LBP: variants seen among roughly 807,000 people sequenced by gnomAD.
The protein encoded by LBP is lipopolysaccharide binding protein.
A neutral mutation model predicts 56.6 loss-of-function variants in LBP; 53 were observed. That is an observed-to-expected ratio of 0.94 (90% CI 0.75 to 1.18). LBP has a LOEUF of 1.18. LBP is among the 50% of genes most tolerant of loss of function. The probability of loss-of-function intolerance (pLI) is 0.00; values close to 1 mark genes in which losing one functional copy is unlikely to be tolerated. For synonymous variants in LBP, 227 were observed against 247.5 expected (o/e 0.92, Z 0.78); for missense variants, 601 against 598.3 (o/e 1.00, Z -0.05).
In LBP at chr20:38,370,814, G is replaced by T. The variant is rs201651468; in HGVS notation, c.1217+9G>T. 364 of 1,612,430 alleles carry T rather than the reference G, an allele frequency of 2.3e-4. 1 individual carries two copies. In the African/African-American group the frequency reaches 4.1e-3, roughly 18 times the overall value. On this transcript the variant is annotated intron_variant, in intron 11 of 14. Coordinates refer to ENST00000217407, the MANE Select transcript of LBP (RefSeq NM_004139.5). ...TTCCTGAAGCCAGGAAAGTAAGTTG[G>T]CCTCCTACCTACATGGGGGTGCCCA...
intron 11 of LBP, 81 bp downstream of exon 11, chr20:38,370,886 GA>G: frequency 8.6e-7 from 1 of 1,166,152 alleles, no homozygotes; most frequent in South Asian, 1.2e-5. Flanking sequence ...TAGCTGGTGG[GA>G]GGGGGGGCCA....
At chr20:38,364,131 C>T (rs1369311416) in intron 7 of LBP, 65 bp downstream of exon 7, 4 of 1,077,616 alleles carry the variant, frequency 3.7e-6, no homozygotes, top group Non-Finnish European at 4.3e-6. Flanking sequence ...TTCTTTGGGC[C>T]ACCTGTCCCC....
chr20:38,356,986 T>C (rs114631382), intron 5 of LBP, among the ~76,000 whole-genome samples: 1 of 152,016 alleles, frequency 6.6e-6, no homozygotes, highest in African/African-American at 2.4e-5. Flanking sequence ...CTCCCGAGTA[T>C]ATGAGACCAC....
At position 38,354,411 on chromosome 20, in the gene LBP, G is replaced by A. The variant is rs5744204; in HGVS notation, c.496G>A (p.Val166Met). 46,068 of 1,612,810 alleles carry A rather than the reference G, an allele frequency of 0.029. 4,522 individuals are homozygous for A. The African/African-American group carries it at 0.33, about 12-fold the overall frequency. Residue 166 changes from valine to methionine, a missense_variant, in exon 4 of 15, where the codon GTG (valine) becomes ATG (methionine). Val to Met is a conservative substitution (Grantham distance 21). Transcript: ENST00000217407. ...CAGCTGCAGCAGTGACATCGCTGAC[G>A]TGGAGGTGGACATGTCGGGAGACTT... ...ASSCSSDIADVEVDMSGDLGW... is the reference protein window; with the variant it reads ...ASSCSSDIADMEVDMSGDLGW...
chr20:38,357,047 G>A (rs967031638), intron 5 of LBP, among the ~76,000 whole-genome samples: 3 of 152,128 alleles, frequency 2.0e-5, no homozygotes, highest in Non-Finnish European at 4.4e-5. Context: ...AGTAGAGACG[G>A]GGTTTCACCA....
chr20:38,361,881 G>A (rs188114170), intron 6 of LBP, among the ~76,000 whole-genome samples: 54 of 151,338 alleles, frequency 3.6e-4, no homozygotes, highest in African/African-American at 1.3e-3. Flanking sequence ...AGCCCTCCAG[G>A]GTCACCACCA....
chr20:38,363,442 A>C (rs1346794528), intron 6 of LBP, among the ~76,000 whole-genome samples: 2 of 152,216 alleles, frequency 1.3e-5, no homozygotes, highest in Non-Finnish European at 2.9e-5. Context: ...CAGGGTGCAC[A>C]CATTAAGCTC....
intron 1 of LBP, among the ~76,000 whole-genome samples, chr20:38,347,558 A>T (rs954690825): frequency 6.6e-6 from 1 of 152,200 alleles, no homozygotes; most frequent in Non-Finnish European, 1.5e-5. Flanking sequence ...ATAAATAAAA[A>T]TAAAACAAAG....
intron 3 of LBP, among the ~76,000 whole-genome samples, chr20:38,351,415 C>A (rs2076820013): frequency 6.6e-6 from 1 of 152,074 alleles, no homozygotes; most frequent in Non-Finnish European, 1.5e-5. Context: ...ACTCCAGCCC[C>A]ACGCTGTCAC....
chr20:38,362,757 G>C (rs562824578), intron 6 of LBP, among the ~76,000 whole-genome samples: 3 of 151,854 alleles, frequency 2.0e-5, no homozygotes, highest in Admixed American at 6.6e-5. Context: ...AGGCCAGCCC[G>C]GGCAACATAG....
rs146018769 is a variant in LBP, at chr20:38,356,398, AC to A, written c.588+995del. Among the ~76,000 whole-genome samples the A allele has an allele frequency of 4.6e-3, 522 of 112,478 alleles. 9 individuals are homozygous for A. The highest frequency in any genetic ancestry group is 0.018 in the African/African-American group (503 of 27,822). The allele number at this position is 112,478 out of a possible 152,430, so 73.8% of individuals were successfully genotyped here. A position where few individuals can be genotyped will look rare whatever the true frequency, so the allele number is the denominator to read the frequency against. On this transcript the variant is annotated intron_variant, in intron 5 of 14. Coordinates refer to ENST00000217407, the MANE Select transcript of LBP (RefSeq NM_004139.5). ...ACACACAAACACACCACCCACTCAC[AC>A]CCCCCACACCACACACACGCGCACA...
chr20:38,365,775 G>A (rs926311110), intron 8 of LBP, among the ~76,000 whole-genome samples: 2 of 146,258 alleles, frequency 1.4e-5, no homozygotes, highest in African/African-American at 5.0e-5. Context: ...GATAATACAT[G>A]CACTGATAAA....
At chr20:38,355,272 A>G (rs1275796529) in intron 4 of LBP, 74 bp from the exon 5 acceptor site, 3 of 1,376,776 alleles carry the variant, frequency 2.2e-6, no homozygotes, top group Admixed American at 3.4e-5. Context: ...TGGCCTGACC[A>G]GGGACCAGGG....
chr20:38,354,346 T>C lies in LBP; in HGVS notation c.431T>C (p.Leu144Ser), dbSNP rs191856285. The change falls in exon 4 of 15, where the codon TTG becomes TCG. Residue 144 changes from leucine to serine, a missense_variant. By Grantham distance (145) the Leu-to-Ser change is moderately radical. Transcript: ENST00000217407. ...KGISISVNLL[L>S]GSESSGRPTV... ...ATCAGCATTTCGGTCAACCTCCTGT[T>C]GGGCAGCGAGTCCTCCGGGAGGCCC... The C allele has an allele frequency of 3.8e-5, 61 of 1,613,792 alleles. No homozygotes were observed. In the East Asian group the frequency reaches 4.7e-4, roughly 12 times the overall value.
intron 7 of LBP, 133 bp from the exon 8 acceptor site, chr20:38,364,443 C>T: frequency 1.2e-6 from 1 of 841,824 alleles, no homozygotes; most frequent in African/African-American, 1.7e-5. Context: ...AAAGACATAA[C>T]ACTGCCTTTA....
At chr20:38,365,344 T>C (rs2122616910) in intron 8 of LBP, among the ~76,000 whole-genome samples, 1 of 152,202 alleles carries the variant, frequency 6.6e-6, no homozygotes, top group East Asian at 1.9e-4. Flanking sequence ...TCTAGACTTG[T>C]TAGTCTAATT....
At chr20:38,368,044 TAAA>T (rs2076888593) in intron 9 of LBP, among the ~76,000 whole-genome samples, 1 of 149,032 alleles carries the variant, frequency 6.7e-6, no homozygotes, top group Non-Finnish European at 1.5e-5. Flanking sequence ...AAAGAAAAGT[TAAA>T]AAAGAAAGAA....
At chr20:38,363,160 C>T (rs1465233381) in intron 6 of LBP, among the ~76,000 whole-genome samples, 2 of 152,092 alleles carry the variant, frequency 1.3e-5, no homozygotes, top group African/African-American at 2.4e-5. Flanking sequence ...TACCTATGGT[C>T]GCATGTCTTT....
intron 7 of LBP, 64 bp downstream of exon 7, chr20:38,364,130 C>A: frequency 9.3e-7 from 1 of 1,075,214 alleles, no homozygotes; most frequent in Non-Finnish European, 1.4e-6. Flanking sequence ...ATTCTTTGGG[C>A]CACCTGTCCC....
Sources: allele counts gnomAD v4.1 joint callset (sites outside exome capture counted in the v4.1 genomes callset), GRCh38; gene constraint gnomAD v4.1.1; transcripts MANE v1.5; gene names NCBI Gene and HGNC (gene_info 2026-07-23, HGNC 2026-07-21).